Variants in HK1 observed in about 807,000 individuals in gnomAD.
HK1 encodes hexokinase-1.
In HK1, 28 loss-of-function variants were observed where a neutral mutation model predicts 91.6. The ratio of observed to expected loss-of-function variants is 0.31; its 90% CI spans 0.23 to 0.42. The LOEUF (loss-of-function observed/expected upper bound fraction) is 0.42, where lower values mean the gene tolerates loss of function less well. Among genes scored for constraint, HK1 ranks in the 10% least tolerant of loss-of-function variants. HK1 has a pLI of 1.00. For synonymous variants in HK1, 430 were observed against 468.1 expected (o/e 0.92, Z 1.05); for missense variants, 770 against 1,219.8 (o/e 0.63, Z 5.49).
At chr10:69,392,365 G>T in intron 15 of HK1, 57 bp downstream of exon 15, 1 of 1,580,872 alleles carries the variant, frequency 6.3e-7, no homozygotes, top group Middle Eastern at 1.7e-4. Flanking sequence ...GCACTTGGCT[G>T]CATTCTGCCA....
chr10:69,398,846 T>C lies in HK1; in HGVS notation c.2609+18T>C, dbSNP rs1406998588. 6.3e-7 allele frequency: 1 copy of C among 1,577,370 alleles called. No homozygotes were observed. Among genetic ancestry groups the C allele is most frequent in the South Asian group, 1.1e-5 (1 of 90,120 alleles). On this transcript the variant is annotated intron_variant, in intron 17 of 17. Coordinates refer to ENST00000359426, the MANE Select transcript of HK1 (RefSeq NM_000188.3). ...CATCCACAGTGAGTGGGCCTTCCAG[T>C]TGGGATGCGCAGAGCTTGCTGGGAT...
intron 15 of HK1, among the ~76,000 whole-genome samples, chr10:69,394,587 G>A (rs1275237932): frequency 1.3e-5 from 2 of 152,076 alleles, no homozygotes; most frequent in East Asian, 3.8e-4. Context: ...TGTTGTGAAG[G>A]AGGAGAATGG....
chr10:69,272,621 T>G (rs1488199603), intron 1 of HK1, among the ~76,000 whole-genome samples: 1 of 151,476 alleles, frequency 6.6e-6, no homozygotes, highest in African/African-American at 2.4e-5. Flanking sequence ...TTTTGGGAAG[T>G]CAGTTATAAT....
intron 2 of HK1, among the ~76,000 whole-genome samples, chr10:69,347,864 A>G (rs1848648900): frequency 6.6e-6 from 1 of 152,206 alleles, no homozygotes; most frequent in Admixed American, 6.5e-5. Context: ...CGTGGTCTTT[A>G]TGCAGATAGG....
chr10:69,287,200 C>T (rs1364349225), intron 2 of HK1, among the ~76,000 whole-genome samples: 2 of 152,168 alleles, frequency 1.3e-5, no homozygotes, highest in Admixed American at 1.3e-4. Context: ...CCTCAGGAAA[C>T]TTGTAATCAT....
chr10:69,294,631 A>G (rs1845461879), intron 3 of HK1, among the ~76,000 whole-genome samples: 1 of 152,156 alleles, frequency 6.6e-6, no homozygotes, highest in Non-Finnish European at 1.5e-5. Flanking sequence ...TGAGGCAGGC[A>G]GATCACTCAA....
chr10:69,334,732 C>A (rs1356592064), intron 1 of HK1, among the ~76,000 whole-genome samples: 1 of 152,174 alleles, frequency 6.6e-6, no homozygotes, highest in African/African-American at 2.4e-5. Flanking sequence ...CTCCTGTACC[C>A]CTGGCACTCA....
At position 69,382,735 on chromosome 10, in the gene HK1, A is replaced by G. The variant is rs2132885882; in HGVS notation, c.1514A>G (p.Asn505Ser). 1 of 1,613,392 alleles carries G rather than the reference A, an allele frequency of 6.2e-7. No homozygotes were observed. Among genetic ancestry groups the G allele is most frequent in the Non-Finnish European group, 8.5e-7 (1 of 1,179,888 alleles). ...MELGLRKQTH[N>S]NAVVKMLPSF... ...CTGGGGCTGAGGAAGCAGACGCACA[A>G]CAATGCCGTGGTTAAGATGCTGCCC... The change falls in exon 10 of 18, where the codon AAC becomes AGC. Residue 505 changes from asparagine (N) to serine (S), a missense_variant. By Grantham distance (46) the Asn-to-Ser change is conservative. Around this residue, in one of 7 missense-constraint regions of HK1, gnomAD observed 449 missense variants for 665.1 expected, o/e 0.68. Transcript: ENST00000359426.
upstream of HK1, among the ~76,000 whole-genome samples, chr10:69,312,528 C>A (rs149274200): frequency 0.014 from 2,131 of 151,656 alleles, 51 homozygotes; most frequent in African/African-American, 0.049. Context: ...CGTGAGCCAC[C>A]GTGCCTGGCC....
At position 69,359,901 on chromosome 10, in the gene HK1, G is replaced by A; in HGVS notation, c.231G>A (p.Lys77=). The change falls in exon 3 of 18, where the codon AAG becomes AAA. Residue 77 remains lysine, a synonymous_variant. Coordinates refer to ENST00000359426, the MANE Select transcript of HK1 (RefSeq NM_000188.3). ...ACCTGTTGTCTCCCTAAACAGAAAA[G>A]GGAGATTTCATTGCCCTGGATCTTG... ...FVRSIPDGSE[K]GDFIALDLGG... is the part of the protein sequence containing the mutation. 1.2e-6 allele frequency: 2 copies of A among 1,614,110 alleles called. No individual in the cohort carries two copies. Among genetic ancestry groups the A allele is most frequent in the Non-Finnish European group, 1.7e-6 (2 of 1,179,960 alleles).
chr10:69,299,460 G>C (rs1845741099), intron 4 of HK1, among the ~76,000 whole-genome samples: 1 of 151,212 alleles, frequency 6.6e-6, no homozygotes, highest in South Asian at 2.1e-4. Context: ...TTCGCCTCCT[G>C]GGTTCAAGCG....
chr10:69,332,962 T>C (rs904613536), intron 1 of HK1, among the ~76,000 whole-genome samples: 3 of 152,052 alleles, frequency 2.0e-5, no homozygotes, highest in African/African-American at 7.2e-5. Context: ...GTGTGAGAGC[T>C]CCTGGACCAT....
At chr10:69,363,960 T>C (rs1024256090) in intron 3 of HK1, among the ~76,000 whole-genome samples, 2 of 152,224 alleles carry the variant, frequency 1.3e-5, no homozygotes, top group African/African-American at 4.8e-5. Flanking sequence ...CAAAGACAAC[T>C]CCGTGGATGA....
At position 69,305,885 on chromosome 10, in the gene HK1, C is replaced by CA. The variant is rs938700634; in HGVS notation, c.27+5033dup. ...ACAAAAAACAAAACAAAAAAAACAA[C>CA]AAAAAAAAATAAGAAAAAGAAAAAA... is the stretch of plus-strand genomic sequence containing the variant. On this transcript the variant is annotated intron_variant, in intron 5 of 21. Coordinates refer to the HK1 transcript ENST00000360289. Among the ~76,000 whole-genome samples, 85 of 149,998 alleles carry CA rather than the reference C, an allele frequency of 5.7e-4. 1 individual carries two copies. In the South Asian group the frequency reaches 0.016, roughly 28 times the overall value.
intron 4 of HK1, among the ~76,000 whole-genome samples, chr10:69,298,787 A>G (rs1412829781): frequency 6.6e-6 from 1 of 151,950 alleles, no homozygotes; most frequent in Non-Finnish European, 1.5e-5. Flanking sequence ...CAAGTCAGTC[A>G]AAAAATTAAA....
intron 7 of HK1, among the ~76,000 whole-genome samples, chr10:69,370,481 A>G (rs907469021): frequency 6.6e-6 from 1 of 152,236 alleles, no homozygotes; most frequent in Non-Finnish European, 1.5e-5. Context: ...GTTGCTGTTC[A>G]TGGTAAGAGA....
intron 15 of HK1, 69 bp from the exon 16 acceptor site, chr10:69,394,881 T>G: frequency 3.0e-4 from 448 of 1,507,222 alleles, no homozygotes; most frequent in Non-Finnish European, 3.7e-4. Context: ...GGAGTGACCG[T>G]GAGACCGAGG....
intron 1 of HK1, chr10:69,338,373 T>A: frequency 1.7e-6 from 2 of 1,192,400 alleles, no homozygotes; most frequent in Non-Finnish European, 2.1e-6. Context: ...CGCCTTCCCA[T>A]TTCCATCCCA....
intron 1 of HK1, among the ~76,000 whole-genome samples, chr10:69,282,308 A>G (rs1844788571): frequency 6.6e-6 from 1 of 152,058 alleles, no homozygotes; most frequent in Non-Finnish European, 1.5e-5. Flanking sequence ...CCCCACACCC[A>G]AGGTTTCTGA....
Sources: allele counts gnomAD v4.1 joint callset (sites outside exome capture counted in the v4.1 genomes callset), GRCh38; gene constraint gnomAD v4.1.1; regional missense constraint gnomAD v4.1.1; transcripts MANE v1.5; gene names NCBI Gene and HGNC (gene_info 2026-07-23, HGNC 2026-07-21).